Variants in TSC1 observed in about 807,000 individuals in gnomAD.
The protein encoded by TSC1 is TSC complex subunit 1, also known as hamartin.
A neutral mutation model predicts 124.3 loss-of-function variants in TSC1; 20 were observed. The ratio of observed to expected loss-of-function variants is 0.16; its 90% CI spans 0.11 to 0.23. TSC1 has a LOEUF of 0.23. Among genes scored for constraint, TSC1 ranks in the 10% least tolerant of loss-of-function variants. The pLI is 1.00. For missense variants in TSC1, 1,124 were observed against 1,448.5 expected (o/e 0.78, Z 3.64); for synonymous variants, 493 against 539.1 (o/e 0.91, Z 1.19).
chr9:132,927,521 CTTT>C (rs57259325), intron 3 of TSC1, among the ~76,000 whole-genome samples: 20 of 103,926 alleles, frequency 1.9e-4, no homozygotes, highest in Middle Eastern at 7.4e-3. Flanking sequence ...TTTTTATTGC[CTTT>C]TTTTTTTTTT....
intron 2 of TSC1, among the ~76,000 whole-genome samples, chr9:132,929,506 C>T (rs1847090849): frequency 6.6e-6 from 1 of 152,142 alleles, no homozygotes; most frequent in Non-Finnish European, 1.5e-5. Flanking sequence ...ACCCAAATAC[C>T]ACTGGCTACA....
chr9:132,917,730 G>C (rs561173171), intron 8 of TSC1, among the ~76,000 whole-genome samples: 2 of 152,206 alleles, frequency 1.3e-5, no homozygotes, highest in Admixed American at 6.5e-5. Flanking sequence ...TCTATCCTTT[G>C]GTTCTGCTTT....
At position 132,892,154 on chromosome 9, in the gene TSC1, T is replaced by G. The variant is rs1844804651; in HGVS notation, c.*4081A>C. The G allele has an allele frequency of 4.3e-6, 1 of 233,002 alleles. No homozygotes were observed. Among genetic ancestry groups the G allele is most frequent in the African/African-American group, 2.2e-5 (1 of 45,292 alleles). The allele number at this position is 233,002 out of a possible 1,614,324, so 14.4% of individuals were successfully genotyped here. On this transcript the variant is annotated 3_prime_UTR_variant, in exon 23 of 23. Coordinates refer to ENST00000298552, the MANE Select transcript of TSC1 (RefSeq NM_000368.5). ...CGGCATGGAAGAGACAGGAACACGCTCCCCTGGGCACATCGAAGAGTCCCG... is the reference window on the plus strand; with the variant it reads ...CGGCATGGAAGAGACAGGAACACGCGCCCCTGGGCACATCGAAGAGTCCCG...
rs555730718 is a variant in TSC1 at position 132,892,775 on chromosome 9, G to A, written c.*3460C>T. The A allele has an allele frequency of 2.1e-5, 5 of 233,300 alleles. No individual in the cohort carries two copies. In the South Asian group the frequency reaches 9.1e-4, roughly 42 times the overall value. The allele number at this position is 233,300 out of a possible 1,614,324, so 14.5% of individuals were successfully genotyped here. On this transcript the variant is annotated 3_prime_UTR_variant, in exon 23 of 23. Coordinates refer to ENST00000298552, the MANE Select transcript of TSC1 (RefSeq NM_000368.5). The stretch of plus-strand genomic sequence containing the variant: ...GTCACAGCACACTTCAGTTCTGCTG[G>A]CTACATGAAACGCATACCCAGTTTT...
At position 132,892,017 on chromosome 9, in the gene TSC1, T is replaced by C. The variant is rs1359721910; in HGVS notation, c.*4218A>G. ...GGGGAGGAAGCTCCTCTGCCATCAT[T>C]AACTCGTTTCATGACCAGAAGCCAT... On this transcript the variant is annotated 3_prime_UTR_variant, in exon 23 of 23. Coordinates refer to ENST00000298552, the MANE Select transcript of TSC1 (RefSeq NM_000368.5). The C allele has an allele frequency of 2.1e-5, 5 of 232,954 alleles. No individual in the cohort carries two copies. The South Asian group carries it at 5.4e-4, about 25-fold the overall frequency. The allele number at this position is 232,954 out of a possible 1,614,324, so 14.4% of individuals were successfully genotyped here. A position where few individuals can be genotyped will look rare whatever the true frequency, so the allele number is the denominator to read the frequency against.
intron 1 of TSC1, 21 bp downstream of exon 1, chr9:132,944,522 G>A (rs918836840): frequency 1.0e-5 from 4 of 398,430 alleles, no homozygotes; most frequent in African/African-American, 2.1e-5. Context: ...AAAAAGGAGG[G>A]GGAGACACCC....
Position 132,906,454 on chromosome 9 carries a change from T to C in TSC1, c.1438+277A>G. Reference sequence around the variant, plus strand: ...GTCCCAGCTACTCAGGAGGCTGAGGTGGGCGGATTGCTTGAGCCTGGGAGG... The same window carrying C: ...GTCCCAGCTACTCAGGAGGCTGAGGCGGGCGGATTGCTTGAGCCTGGGAGG... On this transcript the variant is annotated intron_variant, in intron 14 of 22. Transcript: ENST00000298552. This position sits in a 1 kb window ranked among gnomAD's most constrained non-coding sequence, Gnocchi z 4.1. The C allele has an allele frequency of 7.7e-6, 4 of 521,580 alleles. No individual in the cohort carries two copies. The South Asian group carries it at 8.2e-5, about 11-fold the overall frequency. The allele number at this position is 521,580 out of a possible 1,614,324, so 32.3% of individuals were successfully genotyped here. A position where few individuals can be genotyped will look rare whatever the true frequency, so the allele number is the denominator to read the frequency against.
Position 132,921,957 on chromosome 9 carries a change from G to C in TSC1, c.525C>G (p.Val175=), listed in dbSNP as rs2132161260. The C allele has an allele frequency of 1.9e-6, 3 of 1,614,142 alleles. No homozygotes were observed. The highest frequency in any genetic ancestry group is 2.5e-6 in the Non-Finnish European group (3 of 1,179,994). The change falls in exon 7 of 23, where the codon GTC becomes GTG. Residue 175 remains valine, a synonymous_variant. Coordinates refer to ENST00000298552, the MANE Select transcript of TSC1 (RefSeq NM_000368.5). This position sits in a 1 kb window ranked among gnomAD's most constrained non-coding sequence, Gnocchi z 4.3. Reference sequence around the variant, plus strand: ...CACTGGCATGGAGATGGACGAGATAGACTTCCGCCACGTGGCCTAGAAAAG... The same window carrying C: ...CACTGGCATGGAGATGGACGAGATACACTTCCGCCACGTGGCCTAGAAAAG... ...CLKKPGHVAE[V]YLVHLHASVY... is the part of the protein sequence containing the mutation.
rs1279008770 is a variant in TSC1 at position 132,923,679 on chromosome 9, A to G, written c.364-187T>C. 3.8e-6 allele frequency: 3 copies of G among 780,672 alleles called. No homozygotes were observed. The highest frequency in any genetic ancestry group is 4.2e-6 in the Non-Finnish European group (2 of 481,098). The allele number at this position is 780,672 out of a possible 1,614,324, so 48.4% of individuals were successfully genotyped here. On this transcript the variant is annotated intron_variant, in intron 5 of 22. Coordinates refer to ENST00000298552, the MANE Select transcript of TSC1 (RefSeq NM_000368.5). The surrounding 1 kb of genome is among the most constrained non-coding windows in gnomAD (Gnocchi z 4.2). ...TTCAAACAGACTCAACAGAACACTG[A>G]GCCCCAACTCTACTGTAATGAGTCA... is the stretch of plus-strand genomic sequence containing the variant.
chr9:132,922,451 T>C (rs1846620806), intron 6 of TSC1, among the ~76,000 whole-genome samples: 2 of 152,252 alleles, frequency 1.3e-5, no homozygotes, highest in South Asian at 4.1e-4. Flanking sequence ...ACAGAATGAA[T>C]GTGTGAGACT....
In TSC1 at chr9:132,896,619, G is replaced by C. The variant is rs2131608875; in HGVS notation, c.3111C>G (p.Gly1037=). 2 of 1,613,648 alleles carry C rather than the reference G, an allele frequency of 1.2e-6. No homozygotes were observed. The highest frequency in any genetic ancestry group is 1.7e-6 in the Non-Finnish European group (2 of 1,179,724). Residue 1037 remains glycine, a synonymous_variant, in exon 23 of 23, where the codon GGC becomes GGG. Coordinates refer to ENST00000298552, the MANE Select transcript of TSC1 (RefSeq NM_000368.5). The surrounding 1 kb of genome is among the most constrained non-coding windows in gnomAD (Gnocchi z 4.5). ...AAAGCTCGCTGCTGCTGCTGCTGCT[G>C]CCTCCACCACCTCTGCTTCCACTAC... ...RGSSGSRGGG[G]SSSSSSELST... is the part of the protein sequence containing the mutation.
chr9:132,928,034 GAC>G (rs1436100485), intron 3 of TSC1, among the ~76,000 whole-genome samples: 2 of 152,048 alleles, frequency 1.3e-5, no homozygotes, highest in Admixed American at 1.3e-4. Context: ...CATGTCCACA[GAC>G]ACAGACACAG....
At chr9:132,905,542 G>A (rs2131805318) in intron 15 of TSC1, 39 bp downstream of exon 15, 1 of 1,612,058 alleles carries the variant, frequency 6.2e-7, no homozygotes, top group Non-Finnish European at 8.5e-7. Flanking sequence ...ACAATAAAAT[G>A]GACCATTTAA....
chr9:132,929,091 T>C (rs1321973006), intron 2 of TSC1, 139 bp from the exon 3 acceptor site: 1 of 652,534 alleles, frequency 1.5e-6, no homozygotes, highest in East Asian at 2.9e-5. Flanking sequence ...AAACAGTGAG[T>C]ACATTTAGCT....
chr9:132,896,754 C>A lies in TSC1; in HGVS notation c.2976G>T (p.Arg992Ser), dbSNP rs1453837305. The change falls in exon 23 of 23, where the codon AGG (arginine) becomes AGT (serine). Residue 992 changes from arginine (R) to serine (S), a missense_variant and splice_region_variant. This residue lies in a region of TSC1 where 325 missense variants were observed against 383.4 expected (regional missense o/e 0.85). Coordinates refer to ENST00000298552, the MANE Select transcript of TSC1 (RefSeq NM_000368.5). This position sits in a 1 kb window ranked among gnomAD's most constrained non-coding sequence, Gnocchi z 4.5. ...AGCACCCGTCATTACAACAGTCAAG[C>A]CTGTAAGAAAGCCGGGGAGGAAAAA... is the stretch of plus-strand genomic sequence containing the variant. ...KAEAAEAAEE[R>S]LDCCNDGCSD... The A allele has an allele frequency of 1.2e-6, 2 of 1,613,720 alleles. No individual in the cohort carries two copies. The highest frequency in any genetic ancestry group is 1.7e-6 in the Non-Finnish European group (2 of 1,180,038).
In TSC1 at chr9:132,902,855, A is replaced by G. The variant is rs2131744389; in HGVS notation, c.2209-68T>C. 6.3e-7 allele frequency: 1 copy of G among 1,577,636 alleles called. No individual in the cohort carries two copies. The highest frequency in any genetic ancestry group is 8.7e-7 in the Non-Finnish European group (1 of 1,150,766). Reference sequence around the variant, plus strand: ...CACAGGCAATTTAACACACACTGCGAACATTTCATCTGAATAGTCATAAGC... The same window carrying G: ...CACAGGCAATTTAACACACACTGCGGACATTTCATCTGAATAGTCATAAGC... On this transcript the variant is annotated intron_variant, in intron 17 of 22. Coordinates refer to ENST00000298552, the MANE Select transcript of TSC1 (RefSeq NM_000368.5). This position sits in a 1 kb window ranked among gnomAD's most constrained non-coding sequence, Gnocchi z 5.2.
In TSC1 at chr9:132,910,474, T is replaced by A. The variant is rs568929510; in HGVS notation, c.1263+97A>T. On this transcript the variant is annotated intron_variant, in intron 12 of 22. Coordinates refer to ENST00000298552, the MANE Select transcript of TSC1 (RefSeq NM_000368.5). The stretch of plus-strand genomic sequence containing the variant: ...TGATTCAAACCCATTGCATTTTAGG[T>A]CAGAATTCTATCTGGCATAATTAGG... 5.0e-6 allele frequency: 8 copies of A among 1,601,926 alleles called. No homozygotes were observed. The South Asian group carries it at 8.8e-5, about 18-fold the overall frequency.
chr9:132,904,601 A>G, intron 15 of TSC1, 147 bp from the exon 16 acceptor site: 1 of 818,936 alleles, frequency 1.2e-6, no homozygotes, highest in Non-Finnish European at 2.0e-6. Context: ...AGGTCCACAG[A>G]GAGTTAGAGG....
In TSC1 at chr9:132,917,278, A is replaced by AT. The variant is rs796164327; in HGVS notation, c.737+4084dup. ...GAAACTCATATCCTTCAATCCTAGG[A>AT]TTTTTTTTTTGTTGTATTATTTCTT... On this transcript the variant is annotated intron_variant, in intron 8 of 22. Coordinates refer to ENST00000298552, the MANE Select transcript of TSC1 (RefSeq NM_000368.5). Among the ~76,000 whole-genome samples the AT allele has an allele frequency of 4.1e-4, 61 of 148,936 alleles. 1 individual carries two copies. The highest frequency in any genetic ancestry group is 1.1e-3 in the African/African-American group (44 of 40,662).
Sources: gnomAD v4.1 joint callset for allele counts (sites outside exome capture counted in the v4.1 genomes callset) on GRCh38, gnomAD v4.1.1 for gene constraint, gnomAD v4.1.1 regional missense constraint, Gnocchi (gnomAD v3.1) non-coding constraint, MANE v1.5 for transcripts, NCBI Gene and HGNC (gene_info 2026-07-23, HGNC 2026-07-21) for gene names.